BRAF: variants seen among roughly 807,000 people sequenced by gnomAD.
The protein encoded by BRAF is B-Raf proto-oncogene, serine/threonine kinase, also known as serine/threonine-protein kinase B-raf.
Under a neutral mutation model 104.6 loss-of-function variants are expected in BRAF, and 16 were observed. The ratio of observed to expected loss-of-function variants is 0.15; its 90% CI spans 0.10 to 0.23. BRAF has a LOEUF of 0.23. BRAF is among the 10% of genes least tolerant of loss of function. The pLI is 1.00. For missense variants in BRAF, 541 were observed against 937.3 expected (o/e 0.58, Z 5.52); for synonymous variants, 310 against 341.6 (o/e 0.91, Z 1.02).
At chr7:140,799,544 C>A (rs186815564) in intron 7 of BRAF, 4 of 232,172 alleles carry the variant, frequency 1.7e-5, no homozygotes, top group Admixed American at 1.1e-4. Flanking sequence ...CATCTTCATT[C>A]CCTTTATATC....
At chr7:140,719,235 C>T, downstream of BRAF, 1 of 467,604 alleles carries the variant, frequency 2.1e-6, no homozygotes, top group Non-Finnish European at 2.8e-6. Flanking sequence ...ACAAAATGTA[C>T]ATTTCTCAGT....
intron 14 of BRAF, 46 bp downstream of exon 13, chr7:140,776,866 T>G (rs761334141): frequency 1.9e-6 from 3 of 1,566,432 alleles, no homozygotes. Flanking sequence ...ACATCCTCAA[T>G]GGTCTTCAAA....
intron 3 of BRAF, among the ~76,000 whole-genome samples, chr7:140,832,711 T>C (rs1287607602): frequency 6.6e-6 from 1 of 152,172 alleles, no homozygotes; most frequent in Non-Finnish European, 1.5e-5. Flanking sequence ...CCAGGATAAT[T>C]AAGGTAAGCC....
intron 3 of BRAF, among the ~76,000 whole-genome samples, chr7:140,822,025 G>C (rs969860349): frequency 1.3e-5 from 2 of 152,096 alleles, no homozygotes; most frequent in Non-Finnish European, 2.9e-5. Context: ...CTACTAGAGC[G>C]GGGAGGGCAA....
intron 3 of BRAF, among the ~76,000 whole-genome samples, chr7:140,819,931 T>C (rs762589104): frequency 2.0e-5 from 3 of 152,194 alleles, no homozygotes; most frequent in African/African-American, 4.8e-5. Flanking sequence ...TATACAAAAA[T>C]CATTTTATAC....
intron 19 of BRAF, among the ~76,000 whole-genome samples, chr7:140,729,421 G>C (rs912968279): frequency 6.6e-6 from 1 of 152,118 alleles, no homozygotes; most frequent in African/African-American, 2.4e-5. Context: ...GAGGAGGGTG[G>C]ATCATCTGAG....
intron 14 of BRAF, among the ~76,000 whole-genome samples, chr7:140,760,944 A>C (rs1187469812): frequency 2.6e-5 from 4 of 152,194 alleles, no homozygotes; most frequent in African/African-American, 4.8e-5. Flanking sequence ...GGGAGAATGG[A>C]ACCAAGTTGG....
chr7:140,842,573 A>C (rs759343446), intron 2 of BRAF, among the ~76,000 whole-genome samples: 27 of 152,208 alleles, frequency 1.8e-4, no homozygotes, highest in Non-Finnish European at 3.7e-4. Context: ...CTACTAGAAA[A>C]GCATCTAGCA....
chr7:140,833,035 C>A (rs571570476), intron 3 of BRAF, among the ~76,000 whole-genome samples: 5 of 151,832 alleles, frequency 3.3e-5, no homozygotes, highest in African/African-American at 1.2e-4. Context: ...CACCACGCCC[C>A]GCTAATCTTT....
At chr7:140,907,424 G>A (rs1260634715) in intron 1 of BRAF, among the ~76,000 whole-genome samples, 3 of 152,080 alleles carry the variant, frequency 2.0e-5, no homozygotes, top group African/African-American at 7.2e-5. Flanking sequence ...ACCATGCCCA[G>A]CTAATTTTTT....
chr7:140,801,351 A>G, intron 6 of BRAF, 61 bp downstream of exon 6: 1 of 1,577,410 alleles, frequency 6.3e-7, no homozygotes, highest in South Asian at 1.1e-5. Flanking sequence ...TCGTAGCTTC[A>G]CATTAAGAAA....
intron 1 of BRAF, among the ~76,000 whole-genome samples, chr7:140,896,485 T>C (rs573427410): frequency 6.6e-6 from 1 of 151,326 alleles, no homozygotes; most frequent in East Asian, 1.9e-4. Context: ...TCCCAACACG[T>C]TGGGAGGCTG....
At chr7:140,822,599 G>C (rs1041473584) in intron 3 of BRAF, 3 of 152,184 alleles carry the variant, frequency 2.0e-5, no homozygotes, top group Non-Finnish European at 4.4e-5. Flanking sequence ...CATCTATGTT[G>C]TGTGCATTAG....
intron 1 of BRAF, among the ~76,000 whole-genome samples, chr7:140,881,144 AG>A (rs1378664257): frequency 6.6e-6 from 1 of 152,196 alleles, no homozygotes; most frequent in Non-Finnish European, 1.5e-5. Flanking sequence ...ATGCTGTAAA[AG>A]AATGTGCTGT....
In BRAF at chr7:140,817,807, C is replaced by T. The variant is rs907318124; in HGVS notation, c.505-8812G>A. Among the ~76,000 whole-genome samples the T allele has an allele frequency of 5.3e-5, 8 of 152,132 alleles. No homozygotes were observed. In the East Asian group the frequency reaches 5.8e-4, roughly 11 times the overall value. ...GCACAAGAATGTTCTTATTACAGCA[C>T]TGTTTGTCATAACAAAAAAATCCAA... On this transcript the variant is annotated intron_variant, in intron 3 of 19. Coordinates refer to ENST00000644969, the MANE Select transcript of BRAF (RefSeq NM_001374258.1).
chr7:140,782,316 A>G lies in BRAF; in HGVS notation c.1435-623T>C, dbSNP rs530365823. 4.6e-5 allele frequency among the ~76,000 whole-genome samples: 7 copies of G among 152,320 alleles called. No individual in the cohort carries two copies. The South Asian group carries it at 6.2e-4, about 14-fold the overall frequency. On this transcript the variant is annotated intron_variant, in intron 11 of 19. Transcript: ENST00000644969. The stretch of plus-strand genomic sequence containing the variant: ...CATCTGGAAGACTTTAAGGAGCAAG[A>G]TAAGTGCTGCTATATTTGTGAATAG...
At chr7:140,827,926 TGC>T (rs1331863719) in intron 3 of BRAF, among the ~76,000 whole-genome samples, 6 of 152,214 alleles carry the variant, frequency 3.9e-5, no homozygotes, top group African/African-American at 1.2e-4. Context: ...GATGGAGTTT[TGC>T]TCTTGTTGCC....
rs1795305767 is a variant in BRAF, at chr7:140,721,153, ATAAT to A, written c.*5337_*5340del. 18 of 1,064,076 alleles carry A rather than the reference ATAAT, an allele frequency of 1.7e-5. No individual in the cohort carries two copies. Among genetic ancestry groups the A allele is most frequent in the Non-Finnish European group, 1.8e-5 (16 of 877,834 alleles). 65.9% of individuals were successfully genotyped at this position (1,064,076 alleles called of 1,614,324 possible). Reference sequence around the variant, plus strand: ...CCTCATACACACTCGTCAAGTCACTATAATTATTCAAAATAGCTAAATAAATGTC... The same window carrying A: ...CCTCATACACACTCGTCAAGTCACTATATTCAAAATAGCTAAATAAATGTC... On this transcript the variant is annotated 3_prime_UTR_variant, in exon 20 of 20. Transcript: ENST00000644969.
In BRAF at chr7:140,848,611, T is replaced by C. The variant is rs530829364; in HGVS notation, c.240+1500A>G. ...GCATGGGTTCAAAGTCTCCAAGACA[T>C]AGAAATGGTTGGAAGAAAAACTGCT... On this transcript the variant is annotated intron_variant, in intron 2 of 19. Transcript: ENST00000644969. Among the ~76,000 whole-genome samples the C allele has an allele frequency of 1.2e-4, 18 of 152,326 alleles. No homozygotes were observed. The South Asian group carries it at 1.5e-3, about 12-fold the overall frequency.
Sources: gnomAD v4.1 joint callset for allele counts (sites outside exome capture counted in the v4.1 genomes callset) on GRCh38, gnomAD v4.1.1 for gene constraint, MANE v1.5 for transcripts, NCBI Gene and HGNC (gene_info 2026-07-23, HGNC 2026-07-21) for gene names.